Variants in SORBS2 observed in about 807,000 individuals in gnomAD.
SORBS2 encodes sorbin and SH3 domain-containing protein 2.
SORBS2 carries 46 observed loss-of-function variants against 97.7 expected under a neutral mutation model. That is an observed-to-expected ratio of 0.47 (90% CI 0.37 to 0.60). SORBS2 has a LOEUF of 0.60. Among genes scored for constraint, SORBS2 ranks in the 20% least tolerant of loss-of-function variants. SORBS2 has a pLI of 0.00. For missense variants in SORBS2, 1,316 were observed against 1,282.3 expected (o/e 1.03, Z -0.40); for synonymous variants, 476 against 473.4 (o/e 1.01, Z -0.07).
At chr4:185,634,342 T>G (rs1334127367) in intron 4 of SORBS2, among the ~76,000 whole-genome samples, 1 of 152,212 alleles carries the variant, frequency 6.6e-6, no homozygotes, top group Non-Finnish European at 1.5e-5. Flanking sequence ...TGCACATATT[T>G]AAGACTTTTA....
At chr4:185,752,623 T>G (rs1301426911) in intron 2 of SORBS2, among the ~76,000 whole-genome samples, 1 of 152,180 alleles carries the variant, frequency 6.6e-6, no homozygotes, top group Non-Finnish European at 1.5e-5. Context: ...CACCCTTTTC[T>G]TAAAAAACTG....
At chr4:185,955,146 C>A (rs184692146) in intron 1 of SORBS2, among the ~76,000 whole-genome samples, 1 of 152,022 alleles carries the variant, frequency 6.6e-6, no homozygotes, top group African/African-American at 2.4e-5. Context: ...TTTCAATGGG[C>A]CATGTTTCTT....
chr4:185,941,727 A>T (rs1303100881), intron 1 of SORBS2, among the ~76,000 whole-genome samples: 1 of 152,190 alleles, frequency 6.6e-6, no homozygotes, highest in East Asian at 1.9e-4. Context: ...ATCTTGCATA[A>T]CACATTTCAG....
intron 2 of SORBS2, among the ~76,000 whole-genome samples, chr4:185,741,409 T>TG (rs921430078): frequency 1.4e-5 from 2 of 144,188 alleles, no homozygotes; most frequent in African/African-American, 5.1e-5. Flanking sequence ...TTTTTGTTTT[T>TG]TTTTTTTTTT....
At chr4:185,873,309 A>T (rs2099231458) in intron 1 of SORBS2, among the ~76,000 whole-genome samples, 1 of 152,192 alleles carries the variant, frequency 6.6e-6, no homozygotes, top group Non-Finnish European at 1.5e-5. Flanking sequence ...AGATGGAGCA[A>T]GAGAAACCTG....
At chr4:185,799,886 C>T (rs1374746794) in intron 1 of SORBS2, among the ~76,000 whole-genome samples, 2 of 152,152 alleles carry the variant, frequency 1.3e-5, no homozygotes, top group African/African-American at 4.8e-5. Context: ...AGAACTCCCA[C>T]CCGACAATGT....
At position 185,830,399 on chromosome 4, in the gene SORBS2, T is replaced by C. The variant is rs183946661; in HGVS notation, c.-337-55033A>G. ...GGTGGGTCAGCACATTTTTGCCACC[T>C]AGCTCTTTGAATCACCCACTATCTG... On this transcript the variant is annotated intron_variant, in intron 1 of 20. Transcript: ENST00000284776. 9.2e-5 allele frequency among the ~76,000 whole-genome samples: 14 copies of C among 152,336 alleles called. No individual in the cohort carries two copies. The East Asian group carries it at 2.7e-3, about 29-fold the overall frequency.
At chr4:185,690,596 A>G in intron 2 of SORBS2, 1 of 1,497,594 alleles carries the variant, frequency 6.7e-7, no homozygotes, top group South Asian at 1.3e-5. Context: ...GTTTGTTATT[A>G]AAGTCTTCAG....
At chr4:185,929,279 G>A (rs2099265272) in intron 1 of SORBS2, among the ~76,000 whole-genome samples, 1 of 152,142 alleles carries the variant, frequency 6.6e-6, no homozygotes, top group Non-Finnish European at 1.5e-5. Context: ...CACAAGCGCT[G>A]AAGGAATTTG....
In SORBS2 at chr4:185,733,623, G is replaced by C. The variant is rs1049469788; in HGVS notation, c.-198+41604C>G. Among the ~76,000 whole-genome samples the C allele has an allele frequency of 2.0e-5, 3 of 152,162 alleles. No individual in the cohort carries two copies. In the East Asian group the frequency reaches 5.8e-4, roughly 29 times the overall value. On this transcript the variant is annotated intron_variant, in intron 2 of 20. Transcript: ENST00000284776. ...TGACCAAGAGGCATCCTCTAGAAGA[G>C]GTAGACACTACATGGGAAGGGAGAA...
At chr4:185,827,076 C>CATA (rs2099200436) in intron 1 of SORBS2, among the ~76,000 whole-genome samples, 1 of 133,238 alleles carries the variant, frequency 7.5e-6, no homozygotes, top group Admixed American at 7.6e-5. Context: ...TCACCATCAT[C>CATA]ATCACCATCA....
chr4:185,706,741 A>G (rs192678535), intron 2 of SORBS2, among the ~76,000 whole-genome samples: 5 of 152,318 alleles, frequency 3.3e-5, no homozygotes, highest in African/African-American at 9.6e-5. Flanking sequence ...TATGTCTTCT[A>G]AAAGCACATT....
chr4:185,948,671 C>T (rs2099275738), intron 1 of SORBS2, among the ~76,000 whole-genome samples: 1 of 151,764 alleles, frequency 6.6e-6, no homozygotes, highest in South Asian at 2.1e-4. Flanking sequence ...GTGTCCGCCA[C>T]CACTCCTGGC....
intron 2 of SORBS2, among the ~76,000 whole-genome samples, chr4:185,708,297 C>T (rs966939688): frequency 9.9e-5 from 15 of 152,138 alleles, no homozygotes; most frequent in African/African-American, 3.1e-4. Flanking sequence ...TAATAACTCA[C>T]GATAAATAAA....
intron 1 of SORBS2, among the ~76,000 whole-genome samples, chr4:185,884,678 T>G (rs1366809815): frequency 5.9e-5 from 9 of 152,168 alleles, no homozygotes. Flanking sequence ...TATGGTTTCC[T>G]CAGTAAAGGA....
intron 4 of SORBS2, among the ~76,000 whole-genome samples, chr4:185,632,575 C>T (rs1235665420): frequency 8.5e-5 from 13 of 152,270 alleles, no homozygotes; most frequent in Non-Finnish European, 7.4e-5. Flanking sequence ...TGCAGAAGAG[C>T]GACACTGAAG....
intron 2 of SORBS2, among the ~76,000 whole-genome samples, chr4:185,681,759 G>A (rs866970226): frequency 2.6e-5 from 4 of 152,024 alleles, no homozygotes; most frequent in Admixed American, 6.6e-5. Flanking sequence ...AGACATTCCC[G>A]GTTCCATGTC....
intron 2 of SORBS2, among the ~76,000 whole-genome samples, chr4:185,704,589 G>A (rs950517549): frequency 1.1e-4 from 17 of 152,060 alleles, no homozygotes; most frequent in African/African-American, 3.4e-4. Context: ...AAAGTGCTGG[G>A]ATTACAGGCG....
Position 185,803,623 on chromosome 4 carries a change from T to G in SORBS2, c.-337-28257A>C, listed in dbSNP as rs2099140804. 3.3e-5 allele frequency among the ~76,000 whole-genome samples: 5 copies of G among 152,236 alleles called. No homozygotes were observed. In the South Asian group the frequency reaches 1.0e-3, roughly 32 times the overall value. On this transcript the variant is annotated intron_variant, in intron 1 of 20. Transcript: ENST00000284776. The stretch of plus-strand genomic sequence containing the variant: ...AATAAATCTAAAAATTAATTGAAAA[T>G]GTAGTCAAAATCCTTGGCACACTTT...
Sources: allele counts gnomAD v4.1 joint callset (sites outside exome capture counted in the v4.1 genomes callset), GRCh38; gene constraint gnomAD v4.1.1; transcripts MANE v1.5; gene names NCBI Gene and HGNC (gene_info 2026-07-23, HGNC 2026-07-21).